Variants in IQANK1 observed in about 807,000 individuals in gnomAD.
The protein encoded by IQANK1 is IQ motif and ankyrin repeat domain-containing protein 1.
In IQANK1, 30 loss-of-function variants were observed where a neutral mutation model predicts 22.6. The observed-to-expected ratio is 1.33, with a 90% CI of 0.99 to 1.80. The LOEUF (loss-of-function observed/expected upper bound fraction) is 1.80, where lower values mean the gene tolerates loss of function less well. Ranked by LOEUF, IQANK1 falls within the 40% of genes most tolerant of loss-of-function variation. The pLI is 0.00. For missense variants in IQANK1, 275 were observed against 235.2 expected (o/e 1.17, Z -1.11); for synonymous variants, 122 against 99.6 (o/e 1.23, Z -1.34).
chr8:143,748,535 A>C (rs1819080561), intron 3 of IQANK1, among the ~76,000 whole-genome samples: 1 of 136,230 alleles, frequency 7.3e-6, no homozygotes, highest in Non-Finnish European at 1.5e-5. Flanking sequence ...GATATATATG[A>C]TATATAATAT....
chr8:143,738,795 C>T (rs1041015417), intron 2 of IQANK1, among the ~76,000 whole-genome samples: 1 of 151,672 alleles, frequency 6.6e-6, no homozygotes, highest in Admixed American at 6.6e-5. Context: ...GTCGCACTGA[C>T]CCTCAGGGCC....
At chr8:143,748,204 A>G (rs571265412) in intron 3 of IQANK1, among the ~76,000 whole-genome samples, 1 of 151,488 alleles carries the variant, frequency 6.6e-6, no homozygotes, top group African/African-American at 2.4e-5. Context: ...CGTGTTGCCC[A>G]GAGTGGTCTT....
intron 3 of IQANK1, chr8:143,741,929 A>C (rs1818926270): frequency 4.7e-6 from 1 of 211,442 alleles, no homozygotes; most frequent in African/African-American, 2.3e-5. Context: ...CCTGCTCTAG[A>C]TCCATCTTGG....
intron 3 of IQANK1, among the ~76,000 whole-genome samples, chr8:143,763,208 G>A (rs1306895387): frequency 1.3e-5 from 2 of 152,060 alleles, no homozygotes; most frequent in Non-Finnish European, 2.9e-5. Flanking sequence ...TAGAGACGGG[G>A]TTTCACCATG....
intron 7 of IQANK1, 37 bp downstream of exon 7, chr8:143,772,519 A>G (rs537453113): frequency 1.8e-5 from 7 of 397,044 alleles, no homozygotes; most frequent in South Asian, 1.3e-4. Context: ...GGGAGGTGTG[A>G]GCCCCGGGAG....
At chr8:143,750,125 A>G (rs1243701001) in intron 3 of IQANK1, among the ~76,000 whole-genome samples, 1 of 151,710 alleles carries the variant, frequency 6.6e-6, no homozygotes, top group African/African-American at 2.4e-5. Flanking sequence ...CTGCCTCTCA[A>G]GTAGCTGGGA....
At position 143,789,797 on chromosome 8, in the gene IQANK1, C is replaced by T. The variant is rs539525696; in HGVS notation, c.1123C>T (p.Arg375Trp). Reference protein sequence around the residue: ...KDTEAQVDRLRQEAQKAEEAL... With the variant: ...KDTEAQVDRLWQEAQKAEEAL... ...CACAGAGGCCCAGGTGGACAGGCTG[C>T]GGCAGGAGGCCCAGAAGGCCGAGGA... Residue 375 changes from arginine (R) to tryptophan (W), a missense_variant, in exon 11 of 14, where the codon CGG becomes TGG. Arg to Trp is a moderately radical substitution (Grantham distance 101). Coordinates refer to ENST00000527139, the MANE Select transcript of IQANK1 (RefSeq NM_001381874.1). The T allele has an allele frequency of 2.8e-5, 34 of 1,232,126 alleles. No homozygotes were observed. Among genetic ancestry groups the T allele is most frequent in the African/African-American group, 1.7e-4 (11 of 64,542 alleles). The allele number at this position is 1,232,126 out of a possible 1,614,324, so 76.3% of individuals were successfully genotyped here. A position where few individuals can be genotyped will look rare whatever the true frequency, so the allele number is the denominator to read the frequency against.
chr8:143,754,204 T>A (rs1819246565), intron 3 of IQANK1, among the ~76,000 whole-genome samples: 1 of 152,124 alleles, frequency 6.6e-6, no homozygotes, highest in South Asian at 2.1e-4. Context: ...TGCAGCAATG[T>A]GGGGAGGGGC....
chr8:143,788,845 A>G (rs1378900873), intron 7 of IQANK1, 70 bp from the exon 8 acceptor site: 2 of 398,692 alleles, frequency 5.0e-6, no homozygotes, highest in African/African-American at 2.1e-5. Context: ...TGGGAGAGCA[A>G]CAGTTCCTCT....
At chr8:143,777,358 A>T (rs1168712077) in intron 7 of IQANK1, among the ~76,000 whole-genome samples, 2 of 151,762 alleles carry the variant, frequency 1.3e-5, no homozygotes, top group Non-Finnish European at 2.9e-5. Context: ...TCTACTAAAA[A>T]TACAAAAATT....
chr8:143,735,896 T>C lies in IQANK1; in HGVS notation c.43T>C (p.Trp15Arg), dbSNP rs1460572419. The C allele has an allele frequency of 1.7e-5, 12 of 702,518 alleles. No homozygotes were observed. The African/African-American group carries it at 2.1e-4, about 12-fold the overall frequency. 43.5% of individuals were successfully genotyped at this position (702,518 alleles called of 1,614,324 possible). A position where few individuals can be genotyped will look rare whatever the true frequency, so the allele number is the denominator to read the frequency against. ...KGRPKAAAGK[W>R]QTLHPGPKTR... The stretch of plus-strand genomic sequence containing the variant: ...GAGACCCAAAGCTGCAGCTGGGAAG[T>C]GGCAGACGCTCCACCCTGGGCCCAA... Residue 15 changes from tryptophan to arginine, a missense_variant, in exon 2 of 14, where the codon TGG becomes CGG. Trp to Arg is a moderately radical substitution (Grantham distance 101). Coordinates refer to ENST00000527139, the MANE Select transcript of IQANK1 (RefSeq NM_001381874.1). This position sits in a 1 kb window ranked among gnomAD's most constrained non-coding sequence, Gnocchi z 5.2.
At chr8:143,740,582 G>T (rs1205394118) in intron 3 of IQANK1, among the ~76,000 whole-genome samples, 1 of 152,258 alleles carries the variant, frequency 6.6e-6, no homozygotes, top group Non-Finnish European at 1.5e-5. Flanking sequence ...CCTCACCCAC[G>T]GTTCCGCCTG....
intron 7 of IQANK1, among the ~76,000 whole-genome samples, chr8:143,775,349 C>CAG (rs1819662058): frequency 6.7e-6 from 1 of 150,192 alleles, no homozygotes; most frequent in Admixed American, 6.6e-5. Flanking sequence ...CACACACACA[C>CAG]ACACAGACAC....
chr8:143,766,903 C>T (rs186494922), intron 3 of IQANK1, among the ~76,000 whole-genome samples: 13 of 152,162 alleles, frequency 8.5e-5, no homozygotes, highest in African/African-American at 1.4e-4. Flanking sequence ...TCTCCTCATA[C>T]GGGTTTCTGA....
chr8:143,785,725 AT>A (rs56864621), intron 7 of IQANK1, among the ~76,000 whole-genome samples: 8,843 of 133,170 alleles, frequency 0.066, 903 homozygotes, highest in African/African-American at 0.24. Context: ...ATGCCCAGCT[AT>A]TTTTTTTTTT....
intron 7 of IQANK1, among the ~76,000 whole-genome samples, chr8:143,786,332 A>T (rs912660453): frequency 2.0e-5 from 3 of 152,188 alleles, no homozygotes; most frequent in Non-Finnish European, 1.5e-5. Flanking sequence ...AGTCAACCTC[A>T]CTCGGAGGCT....
In IQANK1 at chr8:143,768,380, C is replaced by A. The variant is rs376079522; in HGVS notation, c.176-3108C>A. On this transcript the variant is annotated intron_variant, in intron 3 of 13. Coordinates refer to ENST00000527139, the MANE Select transcript of IQANK1 (RefSeq NM_001381874.1). ...CTCGATCACTTAGTGGGGGGGTTTC[C>A]GCCAGGTTTCTCCTTTGTAAATGTA... Among the ~76,000 whole-genome samples, 9 of 152,018 alleles carry A rather than the reference C, an allele frequency of 5.9e-5. No individual in the cohort carries two copies. In the East Asian group the frequency reaches 1.6e-3, roughly 26 times the overall value.
intron 2 of IQANK1, among the ~76,000 whole-genome samples, chr8:143,736,963 C>T (rs1554625767): frequency 6.6e-6 from 1 of 152,282 alleles, no homozygotes; most frequent in East Asian, 1.9e-4. Context: ...CCCCAGACTG[C>T]CCCTCTGCTT....
At chr8:143,779,471 T>G (rs1819754883) in intron 7 of IQANK1, among the ~76,000 whole-genome samples, 1 of 152,252 alleles carries the variant, frequency 6.6e-6, no homozygotes, top group Non-Finnish European at 1.5e-5. Flanking sequence ...TTCTTTACAC[T>G]CATTCATCTA....
Sources: allele counts gnomAD v4.1 joint callset (sites outside exome capture counted in the v4.1 genomes callset), GRCh38; gene constraint gnomAD v4.1.1; non-coding constraint Gnocchi (gnomAD v3.1); transcripts MANE v1.5; gene names NCBI Gene and HGNC (gene_info 2026-07-23, HGNC 2026-07-21).